Variants in MUCL1 observed in about 807,000 individuals in gnomAD.
MUCL1 encodes mucin like 1.
In MUCL1, 11 loss-of-function variants were observed where a neutral mutation model predicts 9.2. The ratio of observed to expected loss-of-function variants is 1.19; its 90% CI spans 0.75 to 1.97. The LOEUF is 1.97. Ranked by LOEUF, MUCL1 falls within the 30% of genes most tolerant of loss-of-function variation. The probability of loss-of-function intolerance (pLI) is 0.00; values close to 1 mark genes in which losing one functional copy is unlikely to be tolerated. For missense variants in MUCL1, 144 were observed against 110.9 expected (o/e 1.30, Z -1.34); for synonymous variants, 48 against 40.5 (o/e 1.19, Z -0.71).
chr12:54,854,543 A>C lies in MUCL1; in HGVS notation c.-40A>C. ...CGCCTTGCCTTCTCTTAGGCTTTGA[A>C]GCATTTTTGTCTGTGCTCCCTGATC... On this transcript the variant is annotated 5_prime_UTR_variant, in exon 1 of 4. Coordinates refer to ENST00000308796, the MANE Select transcript of MUCL1 (RefSeq NM_058173.3). The C allele has an allele frequency of 6.4e-7, 1 of 1,573,540 alleles. No individual in the cohort carries two copies. Among genetic ancestry groups the C allele is most frequent in the Non-Finnish European group, 8.7e-7 (1 of 1,147,230 alleles).
chr12:54,833,641 A>G (rs1161019735), intron 1 of MUCL1, among the ~76,000 whole-genome samples: 1 of 152,172 alleles, frequency 6.6e-6, no homozygotes, highest in Non-Finnish European at 1.5e-5. Context: ...CTATGCAGCC[A>G]TAAAAAATGA....
Position 54,856,566 on chromosome 12 carries a change from C to T in MUCL1, c.101-204C>T, listed in dbSNP as rs552783266. Among the ~76,000 whole-genome samples the T allele has an allele frequency of 2.6e-5, 4 of 152,226 alleles. No individual in the cohort carries two copies. In the East Asian group the frequency reaches 7.7e-4, roughly 29 times the overall value. On this transcript the variant is annotated intron_variant, in intron 2 of 3. Coordinates refer to ENST00000308796, the MANE Select transcript of MUCL1 (RefSeq NM_058173.3). ...GTGTCATTGCCCTTGGAGGGAAACC[C>T]CAAATTCTTTCTGTCCCAGCAAAGA...
At chr12:54,847,207 C>T (rs1959269706) in intron 1 of MUCL1, among the ~76,000 whole-genome samples, 1 of 152,204 alleles carries the variant, frequency 6.6e-6, no homozygotes, top group African/African-American at 2.4e-5. Context: ...CAAGAAGTAA[C>T]CGAGTGCCGG....
rs753807736 is a variant in MUCL1, at chr12:54,855,133, G to A, written c.76G>A (p.Ala26Thr). 6.2e-6 allele frequency: 10 copies of A among 1,613,164 alleles called. No individual in the cohort carries two copies. In the East Asian group the frequency reaches 2.0e-4, roughly 32 times the overall value. ...TCTTTCAGAGAATCCGACAACAGCT[G>A]CTCCAGCTGACACGTATCCAGCTAG... ...LVSAQNPTTA[A>T]PADTYPATGP... Residue 26 changes from alanine (A) to threonine (T), a missense_variant, in exon 2 of 4, where the codon GCT becomes ACT. By Grantham distance (58) the Ala-to-Thr change is moderately conservative. Coordinates refer to ENST00000308796, the MANE Select transcript of MUCL1 (RefSeq NM_058173.3).
chr12:54,851,640 TG>T (rs543158603), upstream of MUCL1, among the ~76,000 whole-genome samples: 28 of 152,270 alleles, frequency 1.8e-4, no homozygotes, highest in Middle Eastern at 3.4e-3. Context: ...TTCAACGTAG[TG>T]TTGGAAGTTC....
chr12:54,842,283 C>CAT lies in MUCL1; in HGVS notation c.43+2850_43+2851dup, dbSNP rs557743828. ...CGTTAAAAATTCTAGTTGTTTGCTG[C>CAT]ATATATATATATATAAATACAATTT... On this transcript the variant is annotated intron_variant, in intron 1 of 3. Coordinates refer to the MUCL1 transcript ENST00000546809. Among the ~76,000 whole-genome samples, 994 of 150,186 alleles carry CAT rather than the reference C, an allele frequency of 6.6e-3. 13 individuals carry two copies. Among genetic ancestry groups the CAT allele is most frequent in the African/African-American group, 0.019 (799 of 41,076 alleles).
intron 1 of MUCL1, among the ~76,000 whole-genome samples, chr12:54,832,447 G>C (rs1399523568): frequency 6.6e-6 from 1 of 151,940 alleles, no homozygotes; most frequent in Non-Finnish European, 1.5e-5. Flanking sequence ...TCATGTCTTT[G>C]ATTACTTAAG....
chr12:54,830,832 A>G (rs1347541818), exon 1 of MUCL1: 1 of 150,576 alleles, frequency 6.6e-6, no homozygotes, highest in Non-Finnish European at 1.5e-5. Flanking sequence ...GGCTGAAAAC[A>G]GAAAAAAAAC....
At chr12:54,857,168 C>G (rs146963141) in intron 3 of MUCL1, among the ~76,000 whole-genome samples, 260 of 151,186 alleles carry the variant, frequency 1.7e-3, no homozygotes, top group African/African-American at 6.0e-3. Flanking sequence ...ATTGGAAAGA[C>G]CAAAATAAGT....
At chr12:54,851,126 T>C (rs1338889962), upstream of MUCL1, among the ~76,000 whole-genome samples, 1 of 152,198 alleles carries the variant, frequency 6.6e-6, no homozygotes, top group African/African-American at 2.4e-5. Context: ...TTCACTCTGA[T>C]GGTAGTTTCT....
rs548377092 is a variant in MUCL1, at chr12:54,834,020, T to C, written n.357+3145T>C. On this transcript the variant is annotated intron_variant and non_coding_transcript_variant, in intron 1 of 3. Coordinates refer to the MUCL1 transcript ENST00000547990. Reference sequence around the variant, plus strand: ...GTTTGTTAATTACATGCATTATAACTATACCCTCTGAATGCGTGGCTTGAA... The same window carrying C: ...GTTTGTTAATTACATGCATTATAACCATACCCTCTGAATGCGTGGCTTGAA... 2.0e-5 allele frequency among the ~76,000 whole-genome samples: 3 copies of C among 152,216 alleles called. No individual in the cohort carries two copies. The South Asian group carries it at 6.2e-4, about 32-fold the overall frequency.
chr12:54,842,885 A>G (rs1959219470), intron 1 of MUCL1, among the ~76,000 whole-genome samples: 1 of 152,120 alleles, frequency 6.6e-6, no homozygotes, highest in African/African-American at 2.4e-5. Flanking sequence ...GCAACAGATT[A>G]CATACAGGAT....
At chr12:54,836,201 T>C (rs959776284), upstream of MUCL1, among the ~76,000 whole-genome samples, 4 of 152,200 alleles carry the variant, frequency 2.6e-5, no homozygotes, top group Non-Finnish European at 5.9e-5. Context: ...TGGCTGTGAA[T>C]CTACCTGGCT....
intron 2 of MUCL1, among the ~76,000 whole-genome samples, chr12:54,856,560 G>A (rs556509061): frequency 2.4e-4 from 36 of 152,156 alleles, no homozygotes; most frequent in Non-Finnish European, 4.3e-4. Context: ...CCCTTGGAGG[G>A]AAACCCCAAA....
chr12:54,858,247 G>T lies in MUCL1; in HGVS notation c.*5G>T, dbSNP rs1386099189. On this transcript the variant is annotated 3_prime_UTR_variant, in exon 4 of 4. Transcript: ENST00000308796. ...AATGGTAGAGTGTGTCCCTGAGATG[G>T]AATCAGCTTGAGTCTTCTGCAATTG... 1 of 1,613,310 alleles carries T rather than the reference G, an allele frequency of 6.2e-7. No individual in the cohort carries two copies.
chr12:54,840,832 C>T (rs1273337656), intron 1 of MUCL1, among the ~76,000 whole-genome samples: 1 of 152,096 alleles, frequency 6.6e-6, no homozygotes, highest in Non-Finnish European at 1.5e-5. Context: ...CCACCCAGCT[C>T]CCACGCATTT....
chr12:54,839,919 G>C (rs906196862), intron 1 of MUCL1, among the ~76,000 whole-genome samples: 4 of 152,182 alleles, frequency 2.6e-5, no homozygotes, highest in Admixed American at 6.5e-5. Context: ...GCCCTGCACT[G>C]CACCTGTGCC....
At chr12:54,835,206 A>G (rs1959190973), upstream of MUCL1, among the ~76,000 whole-genome samples, 1 of 152,186 alleles carries the variant, frequency 6.6e-6, no homozygotes, top group Non-Finnish European at 1.5e-5. Context: ...GAATTCTGCT[A>G]TGATAAACAT....
At chr12:54,847,066 C>T (rs1420148446) in intron 1 of MUCL1, among the ~76,000 whole-genome samples, 1 of 152,234 alleles carries the variant, frequency 6.6e-6, no homozygotes, top group Non-Finnish European at 1.5e-5. Flanking sequence ...GACCTACGCT[C>T]CCTCCTCAAT....
Sources: allele counts gnomAD v4.1 joint callset (sites outside exome capture counted in the v4.1 genomes callset), GRCh38; gene constraint gnomAD v4.1.1; transcripts MANE v1.5; gene names NCBI Gene and HGNC (gene_info 2026-07-23, HGNC 2026-07-21).